CDH2: variants seen among roughly 807,000 people sequenced by gnomAD.
The protein encoded by CDH2 is cadherin 2.
Under a neutral mutation model 92.0 loss-of-function variants are expected in CDH2, and 17 were observed. The ratio of observed to expected loss-of-function variants is 0.18; its 90% CI spans 0.13 to 0.28. The LOEUF (loss-of-function observed/expected upper bound fraction) is 0.28. CDH2 is among the 10% of genes least tolerant of loss of function. The probability of loss-of-function intolerance (pLI) is 1.00; values close to 1 mark genes in which losing one functional copy is unlikely to be tolerated. For synonymous variants in CDH2, 419 were observed against 415.9 expected (o/e 1.01, Z -0.09); for missense variants, 862 against 1,133.1 (o/e 0.76, Z 3.44).
At chr18:27,987,506 T>C (rs2012273136) in intron 11 of CDH2, among the ~76,000 whole-genome samples, 1 of 152,188 alleles carries the variant, frequency 6.6e-6, no homozygotes. Context: ...ATGCAAAATA[T>C]TTTACAATTT....
At chr18:28,175,835 G>T (rs955977530) in intron 1 of CDH2, among the ~76,000 whole-genome samples, 2 of 152,232 alleles carry the variant, frequency 1.3e-5, no homozygotes, top group African/African-American at 4.8e-5. Context: ...CCCGCGGCGA[G>T]GGTGGGCACG....
intron 2 of CDH2, among the ~76,000 whole-genome samples, chr18:28,135,862 G>C (rs1292156324): frequency 6.6e-6 from 1 of 152,202 alleles, no homozygotes; most frequent in East Asian, 1.9e-4. Flanking sequence ...TCTACAAAGA[G>C]ACATTTAAAT....
At chr18:28,007,291 A>G (rs933232975) in intron 5 of CDH2, among the ~76,000 whole-genome samples, 3 of 151,332 alleles carry the variant, frequency 2.0e-5, no homozygotes, top group Non-Finnish European at 4.4e-5. Flanking sequence ...TTAAACAAAA[A>G]TATTCATTTG....
At chr18:28,156,032 T>C (rs1266839979) in intron 1 of CDH2, among the ~76,000 whole-genome samples, 1 of 151,754 alleles carries the variant, frequency 6.6e-6, no homozygotes, top group East Asian at 1.9e-4. Flanking sequence ...TTATCTTGTC[T>C]TGCATGGGTT....
At chr18:28,050,023 C>T (rs2014159532) in intron 2 of CDH2, among the ~76,000 whole-genome samples, 1 of 152,112 alleles carries the variant, frequency 6.6e-6, no homozygotes, top group African/African-American at 2.4e-5. Context: ...TGCCTACCCA[C>T]CAAATTAAGG....
intron 6 of CDH2, among the ~76,000 whole-genome samples, chr18:27,945,262 T>TTCTCCCCTC (rs1485213662): frequency 2.6e-5 from 4 of 151,154 alleles, no homozygotes; most frequent in Admixed American, 6.6e-5. Context: ...TGCTCTTGCT[T>TTCTCCCCTC]TCTCCCCTCT....
intron 1 of CDH2, among the ~76,000 whole-genome samples, chr18:28,175,748 C>T (rs944245022): frequency 6.6e-6 from 1 of 152,220 alleles, no homozygotes; most frequent in South Asian, 2.1e-4. Context: ...CTTTTCGGGG[C>T]TGCCAGCTGG....
At chr18:28,176,326 G>A (rs1476255603) in intron 1 of CDH2, among the ~76,000 whole-genome samples, 1 of 152,190 alleles carries the variant, frequency 6.6e-6, no homozygotes, top group Non-Finnish European at 1.5e-5. Context: ...GACCGGCAGA[G>A]ACTCCTCCGG....
intron 2 of CDH2, among the ~76,000 whole-genome samples, chr18:28,103,248 T>TAC (rs1419601525): frequency 2.1e-5 from 3 of 142,884 alleles, no homozygotes; most frequent in South Asian, 2.1e-4. Flanking sequence ...ATATATAAAG[T>TAC]ATATATATAA....
chr18:27,949,711 G>A (rs567604154), downstream of CDH2, among the ~76,000 whole-genome samples: 1 of 151,960 alleles, frequency 6.6e-6, no homozygotes, highest in East Asian at 1.9e-4. Context: ...CTAAACAGAA[G>A]TTCCTTCTGT....
chr18:28,017,798 A>T (rs2013294124), intron 2 of CDH2, among the ~76,000 whole-genome samples: 1 of 152,144 alleles, frequency 6.6e-6, no homozygotes, highest in East Asian at 1.9e-4. Flanking sequence ...ACAAACCCAC[A>T]GCTAACATTA....
intron 2 of CDH2, among the ~76,000 whole-genome samples, chr18:28,139,614 T>G (rs890165386): frequency 6.6e-6 from 1 of 152,072 alleles, no homozygotes; most frequent in East Asian, 1.9e-4. Context: ...TTGGCACAGA[T>G]GATCACTCCT....
At chr18:28,035,547 G>A (rs902256536) in intron 2 of CDH2, among the ~76,000 whole-genome samples, 36 of 151,948 alleles carry the variant, frequency 2.4e-4, no homozygotes, top group African/African-American at 8.5e-4. Flanking sequence ...TATTCATCTT[G>A]TTTAACTTTA....
At chr18:28,074,721 T>A (rs897031165) in intron 2 of CDH2, among the ~76,000 whole-genome samples, 3 of 151,864 alleles carry the variant, frequency 2.0e-5, no homozygotes, top group Admixed American at 2.0e-4. Flanking sequence ...TAAATCTTTT[T>A]ATTCATCTTT....
At chr18:27,947,247 A>G (rs1421186983), downstream of CDH2, among the ~76,000 whole-genome samples, 2 of 151,840 alleles carry the variant, frequency 1.3e-5, no homozygotes. Flanking sequence ...ACAGAGCAGT[A>G]AAGTATCACT....
At chr18:28,075,319 G>A (rs912427862) in intron 2 of CDH2, among the ~76,000 whole-genome samples, 35 of 152,156 alleles carry the variant, frequency 2.3e-4, no homozygotes, top group Non-Finnish European at 1.8e-4. Flanking sequence ...AGTGTGGGAG[G>A]TGTGTCCCAC....
chr18:28,047,100 T>C (rs1340190913), intron 2 of CDH2, among the ~76,000 whole-genome samples: 1 of 152,172 alleles, frequency 6.6e-6, no homozygotes, highest in African/African-American at 2.4e-5. Context: ...TACAGCTTTG[T>C]AATCTGCCAG....
At position 28,101,168 on chromosome 18, in the gene CDH2, T is replaced by C. The variant is rs139499133; in HGVS notation, c.172+46505A>G. On this transcript the variant is annotated intron_variant, in intron 2 of 15. Coordinates refer to ENST00000269141, the MANE Select transcript of CDH2 (RefSeq NM_001792.5). ...ATACTGCTAATGACTAGAATTGATGTTAATGGCTTAAATAACTTTCTAGTT... is the reference window on the plus strand; with the variant it reads ...ATACTGCTAATGACTAGAATTGATGCTAATGGCTTAAATAACTTTCTAGTT... 1.6e-3 allele frequency among the ~76,000 whole-genome samples: 237 copies of C among 152,300 alleles called. 3 individuals carry two copies. In the South Asian group the frequency reaches 0.017, roughly 11 times the overall value.
intron 2 of CDH2, among the ~76,000 whole-genome samples, chr18:28,054,901 G>C (rs1188203800): frequency 6.6e-6 from 1 of 152,072 alleles, no homozygotes; most frequent in Admixed American, 6.6e-5. Flanking sequence ...ATTATTTTCA[G>C]CTGGTTATTT....
Sources: allele counts gnomAD v4.1 joint callset (sites outside exome capture counted in the v4.1 genomes callset), GRCh38; gene constraint gnomAD v4.1.1; transcripts MANE v1.5; gene names NCBI Gene and HGNC (gene_info 2026-07-23, HGNC 2026-07-21).